The following CDC42BPA variants were observed in gnomAD, a reference collection of about 807,000 sequenced individuals.
CDC42BPA encodes the protein serine/threonine-protein kinase MRCK alpha.
Under a neutral mutation model 223.5 loss-of-function variants are expected in CDC42BPA, and 80 were observed. That is an observed-to-expected ratio of 0.36 (90% CI 0.30 to 0.43). The LOEUF (loss-of-function observed/expected upper bound fraction) is 0.43, where lower values mean the gene tolerates loss of function less well. CDC42BPA is among the 20% of genes least tolerant of loss of function. The probability of loss-of-function intolerance (pLI) is 1.00; values close to 1 mark genes in which losing one functional copy is unlikely to be tolerated. For missense variants in CDC42BPA, 1,743 were observed against 2,099.9 expected (o/e 0.83, Z 3.32); for synonymous variants, 694 against 718.6 (o/e 0.97, Z 0.55).
intron 14 of CDC42BPA, 31 bp from the exon 15 acceptor site, chr1:227,101,270 T>C (rs769710324): frequency 2.3e-6 from 3 of 1,292,248 alleles, no homozygotes; most frequent in Non-Finnish European, 3.2e-6. Context: ...GATTAGTGCA[T>C]CTACAAGAAT....
intron 35 of CDC42BPA, 46 bp downstream of exon 35, chr1:227,004,948 G>C: frequency 7.9e-7 from 1 of 1,271,964 alleles, no homozygotes; most frequent in Non-Finnish European, 1.2e-6. Flanking sequence ...AGGGAGCTGG[G>C]GGTCACCCTG....
chr1:227,160,523 T>C lies in CDC42BPA; in HGVS notation c.693+20A>G. 7.0e-7 allele frequency: 1 copy of C among 1,434,216 alleles called. No homozygotes were observed. The highest frequency in any genetic ancestry group is 1.2e-5 in the South Asian group (1 of 86,826). 88.8% of individuals were successfully genotyped at this position (1,434,216 alleles called of 1,614,324 possible). A position where few individuals can be genotyped will look rare whatever the true frequency, so the allele number is the denominator to read the frequency against. On this transcript the variant is annotated intron_variant, in intron 6 of 36. Coordinates refer to ENST00000366766, the MANE Select transcript of CDC42BPA (RefSeq NM_001394014.1). ...GGAAATGTCTGTGAACAAAATAATT[T>C]AGGATTTATCTTTATTTACCGTTCC...
At chr1:227,104,338 C>T (rs576937543) in intron 14 of CDC42BPA, among the ~76,000 whole-genome samples, 18 of 152,064 alleles carry the variant, frequency 1.2e-4, no homozygotes, top group Middle Eastern at 3.4e-3. Flanking sequence ...TATAATACTG[C>T]AAAGAATTTT....
intron 1 of CDC42BPA, among the ~76,000 whole-genome samples, chr1:227,300,889 C>T (rs748390397): frequency 6.6e-6 from 1 of 152,158 alleles, no homozygotes; most frequent in African/African-American, 2.4e-5. Context: ...ATCAGAAGAG[C>T]GGGTAAGCGC....
At chr1:227,168,513 T>TTTTTTTTTTTTTA in intron 5 of CDC42BPA, among the ~76,000 whole-genome samples, 1 of 145,650 alleles carries the variant, frequency 6.9e-6, no homozygotes, top group Non-Finnish European at 1.5e-5. Flanking sequence ...TTTTTTTTTT[T>TTTTTTTTTTTTTA]GAGGCAGAGT....
intron 11 of CDC42BPA, among the ~76,000 whole-genome samples, chr1:227,126,515 G>GGAAA (rs1405347828): frequency 1.2e-5 from 1 of 82,708 alleles, no homozygotes; most frequent in Non-Finnish European, 2.6e-5. Context: ...AAGGAAGGAA[G>GGAAA]GAAGGTAAGA....
chr1:227,099,379 C>T (rs533250291), intron 15 of CDC42BPA, among the ~76,000 whole-genome samples: 18 of 152,032 alleles, frequency 1.2e-4, no homozygotes, highest in Admixed American at 3.3e-4. Context: ...TTGTGACTCA[C>T]CGAGAGCAAC....
At chr1:227,286,236 T>G (rs1356507305) in intron 1 of CDC42BPA, among the ~76,000 whole-genome samples, 1 of 152,232 alleles carries the variant, frequency 6.6e-6, no homozygotes, top group Non-Finnish European at 1.5e-5. Context: ...TTTAAGTCAT[T>G]CATTTGCTCC....
chr1:227,298,087 GT>G (rs112464502), intron 1 of CDC42BPA, among the ~76,000 whole-genome samples: 38,847 of 148,556 alleles, frequency 0.26, 5,357 homozygotes, highest in East Asian at 0.36. Context: ...TATATACAAT[GT>G]TTTTTTTTAT....
At chr1:227,179,689 A>C (rs972663986) in intron 5 of CDC42BPA, among the ~76,000 whole-genome samples, 1 of 145,938 alleles carries the variant, frequency 6.9e-6, no homozygotes, top group Non-Finnish European at 1.5e-5. Context: ...TTACAATTTA[A>C]TCTCACAATA....
intron 1 of CDC42BPA, among the ~76,000 whole-genome samples, chr1:227,309,187 G>C (rs1379343964): frequency 7.0e-6 from 1 of 141,940 alleles, no homozygotes; most frequent in Non-Finnish European, 1.5e-5. Flanking sequence ...ACAACATAGT[G>C]AGACCCTATC....
At chr1:227,125,723 T>C (rs1228770237) in intron 11 of CDC42BPA, among the ~76,000 whole-genome samples, 1 of 151,926 alleles carries the variant, frequency 6.6e-6, no homozygotes. Context: ...CCTGGACTTC[T>C]ACCTCCAACC....
At chr1:227,270,600 G>A (rs912592499) in intron 1 of CDC42BPA, among the ~76,000 whole-genome samples, 1 of 152,116 alleles carries the variant, frequency 6.6e-6, no homozygotes, top group Non-Finnish European at 1.5e-5. Context: ...CATAAAATAT[G>A]CCATTTTAAC....
chr1:227,221,100 C>T (rs1261253455), intron 2 of CDC42BPA, among the ~76,000 whole-genome samples: 1 of 152,202 alleles, frequency 6.6e-6, no homozygotes, highest in Non-Finnish European at 1.5e-5. Flanking sequence ...AGTTCAATAA[C>T]AACTGTCTAA....
Position 227,197,263 on chromosome 1 carries a change from C to T in CDC42BPA, c.450+2294G>A, listed in dbSNP as rs6661242. Among the ~76,000 whole-genome samples the T allele has an allele frequency of 9.9e-3, 1,509 of 152,102 alleles. 23 individuals carry two copies. Among genetic ancestry groups the T allele is most frequent in the African/African-American group, 0.034 (1,411 of 41,514 alleles). On this transcript the variant is annotated intron_variant, in intron 4 of 36. Transcript: ENST00000366766. ...TGGTATCTAAAATTAGCTTTGTCGA[C>T]ATTTTTTAATGATTTTTGCTAATAT...
chr1:227,107,574 CA>C (rs1235277586), intron 14 of CDC42BPA, among the ~76,000 whole-genome samples: 1 of 152,008 alleles, frequency 6.6e-6, no homozygotes, highest in Non-Finnish European at 1.5e-5. Flanking sequence ...GGTGCCTTCT[CA>C]AAAAAGAGTT....
At chr1:227,268,598 AGT>A (rs1685418028) in intron 1 of CDC42BPA, among the ~76,000 whole-genome samples, 1 of 118,470 alleles carries the variant, frequency 8.4e-6, no homozygotes, top group African/African-American at 2.9e-5. Flanking sequence ...GTGTATATAT[AGT>A]GTGTGTATAG....
intron 14 of CDC42BPA, among the ~76,000 whole-genome samples, chr1:227,104,999 A>G (rs917839864): frequency 4.6e-5 from 7 of 152,236 alleles, no homozygotes; most frequent in Admixed American, 1.3e-4. Flanking sequence ...AGCATCATAT[A>G]TAACAACTTA....
At chr1:227,020,116 G>A (rs937875831) in intron 32 of CDC42BPA, among the ~76,000 whole-genome samples, 5 of 152,024 alleles carry the variant, frequency 3.3e-5, no homozygotes, top group South Asian at 2.1e-4. Flanking sequence ...GGCTGGTCTC[G>A]AACTCCTGAC....
Sources: gnomAD v4.1 joint callset for allele counts (sites outside exome capture counted in the v4.1 genomes callset) on GRCh38, gnomAD v4.1.1 for gene constraint, MANE v1.5 for transcripts, NCBI Gene and HGNC (gene_info 2026-07-23, HGNC 2026-07-21) for gene names.